PHACTR1: variants seen among roughly 807,000 people sequenced by gnomAD.
PHACTR1 encodes the protein RPEL repeat containing 1.
A neutral mutation model predicts 69.2 loss-of-function variants in PHACTR1; 16 were observed. The observed-to-expected ratio is 0.23, with a 90% CI of 0.16 to 0.35. PHACTR1 has a LOEUF of 0.35. PHACTR1 is among the 10% of genes least tolerant of loss of function. PHACTR1 has a pLI of 1.00. For synonymous variants in PHACTR1, 312 were observed against 284.5 expected, an observed-to-expected ratio of 1.10 and a Z score of -0.97; for missense variants, 510 against 734.7, an observed-to-expected ratio of 0.69 and a Z score of 3.54.
intron 4 of PHACTR1, among the ~76,000 whole-genome samples, chr6:12,859,822 G>C (rs370111636): frequency 3.3e-5 from 5 of 152,236 alleles, no homozygotes; most frequent in African/African-American, 1.2e-4. Context: ...AATACATGAG[G>C]ACAATAGATG....
chr6:12,842,724 T>G (rs1287540086), intron 4 of PHACTR1, among the ~76,000 whole-genome samples: 2 of 151,916 alleles, frequency 1.3e-5, no homozygotes, highest in African/African-American at 4.8e-5. Context: ...TTTTTTGCTG[T>G]TGTTAGAGAC....
intron 5 of PHACTR1, among the ~76,000 whole-genome samples, chr6:13,080,095 T>A (rs1454984834): frequency 6.6e-6 from 1 of 152,122 alleles, no homozygotes; most frequent in South Asian, 2.1e-4. Flanking sequence ...ACATGCCACA[T>A]AGGACATGTG....
intron 5 of PHACTR1, among the ~76,000 whole-genome samples, chr6:13,148,906 G>T (rs1166891909): frequency 6.6e-6 from 1 of 152,198 alleles, no homozygotes; most frequent in African/African-American, 2.4e-5. Context: ...TGGAATGCAG[G>T]TCTCTACTGA....
At chr6:13,059,064 G>A (rs1362658620) in intron 5 of PHACTR1, among the ~76,000 whole-genome samples, 2 of 152,182 alleles carry the variant, frequency 1.3e-5, no homozygotes, top group African/African-American at 4.8e-5. Flanking sequence ...GGTCAAACAT[G>A]AGAAGGAGAG....
intron 5 of PHACTR1, among the ~76,000 whole-genome samples, chr6:13,082,368 G>A (rs527853433): frequency 6.6e-6 from 1 of 152,214 alleles, no homozygotes; most frequent in East Asian, 1.9e-4. Context: ...TTTGTGCCTA[G>A]GTAAACCAGC....
intron 4 of PHACTR1, among the ~76,000 whole-genome samples, chr6:12,911,240 C>T (rs1413489311): frequency 6.6e-6 from 1 of 152,110 alleles, no homozygotes; most frequent in Non-Finnish European, 1.5e-5. Flanking sequence ...GATTTCCAAA[C>T]TCTTTGTAGG....
intron 4 of PHACTR1, among the ~76,000 whole-genome samples, chr6:12,943,231 A>G (rs942102421): frequency 3.0e-4 from 45 of 152,210 alleles, no homozygotes; most frequent in African/African-American, 9.9e-4. Flanking sequence ...TTATGGATGA[A>G]CCTTGAAAAT....
intron 5 of PHACTR1, among the ~76,000 whole-genome samples, chr6:13,136,189 T>TAA (rs529377100): frequency 7.7e-5 from 11 of 143,224 alleles, no homozygotes; most frequent in Non-Finnish European, 1.5e-4. Flanking sequence ...GAACGTATCC[T>TAA]AAAAAAAAAA....
At chr6:12,735,672 G>T (rs1024710153) in intron 3 of PHACTR1, among the ~76,000 whole-genome samples, 1 of 152,196 alleles carries the variant, frequency 6.6e-6, no homozygotes, top group Non-Finnish European at 1.5e-5. Context: ...CAGGCAATAA[G>T]AAAAGCTAGG....
chr6:13,276,542 C>T (rs1325396886), intron 11 of PHACTR1, among the ~76,000 whole-genome samples: 2 of 152,170 alleles, frequency 1.3e-5, no homozygotes, highest in African/African-American at 2.4e-5. Flanking sequence ...GAGGCTGAGG[C>T]GGGTGGATCA....
In PHACTR1 at chr6:13,138,093, A is replaced by G. The variant is rs544198099; in HGVS notation, c.416-22111A>G. ...TGAGCTCAACTTTATGGAAACTAAA[A>G]TGTAGGAGTCCTCATAAGCACTGGG... is the stretch of plus-strand genomic sequence containing the variant. On this transcript the variant is annotated intron_variant, in intron 5 of 14. Transcript: ENST00000332995. Among the ~76,000 whole-genome samples the G allele has an allele frequency of 3.3e-5, 5 of 152,360 alleles. No homozygotes were observed. The South Asian group carries it at 1.0e-3, about 32-fold the overall frequency.
intron 3 of PHACTR1, among the ~76,000 whole-genome samples, chr6:12,748,605 G>A (rs1450637615): frequency 2.0e-5 from 3 of 152,196 alleles, no homozygotes; most frequent in Non-Finnish European, 4.4e-5. Context: ...AGGTTCTTCT[G>A]CTGTGTTACA....
chr6:13,118,836 G>T (rs1023865144), intron 5 of PHACTR1, among the ~76,000 whole-genome samples: 1 of 152,218 alleles, frequency 6.6e-6, no homozygotes, highest in East Asian at 1.9e-4. Context: ...ACTGCAGCTA[G>T]AACTACCTGA....
At chr6:12,878,046 A>G (rs1273780191) in intron 4 of PHACTR1, among the ~76,000 whole-genome samples, 1 of 152,212 alleles carries the variant, frequency 6.6e-6, no homozygotes, top group African/African-American at 2.4e-5. Flanking sequence ...TGCAGTTGTC[A>G]GCTAAGTGTT....
intron 5 of PHACTR1, among the ~76,000 whole-genome samples, chr6:13,114,663 T>G (rs562364373): frequency 6.6e-6 from 1 of 152,260 alleles, no homozygotes; most frequent in African/African-American, 2.4e-5. Context: ...TGCCAATATC[T>G]GGAGGTACTA....
chr6:13,272,686 C>G (rs1000125443), intron 10 of PHACTR1, 174 bp from the exon 11 acceptor site: 1 of 1,538,202 alleles, frequency 6.5e-7, no homozygotes, highest in Non-Finnish European at 8.8e-7. Context: ...CTCTCCTGGG[C>G]TTGAAATTGA....
At chr6:13,038,706 A>G (rs150899413) in intron 4 of PHACTR1, among the ~76,000 whole-genome samples, 1 of 152,326 alleles carries the variant, frequency 6.6e-6, no homozygotes, top group Non-Finnish European at 1.5e-5. Flanking sequence ...CCAACTTAAA[A>G]TAGTAATAAC....
At chr6:12,984,488 G>T (rs1795886088) in intron 4 of PHACTR1, among the ~76,000 whole-genome samples, 1 of 152,198 alleles carries the variant, frequency 6.6e-6, no homozygotes, top group African/African-American at 2.4e-5. Context: ...ATAGAAAGAA[G>T]GGCTGGTTCT....
chr6:13,061,547 T>C (rs1012811006), intron 5 of PHACTR1, among the ~76,000 whole-genome samples: 32 of 152,126 alleles, frequency 2.1e-4, no homozygotes, highest in African/African-American at 7.7e-4. Flanking sequence ...TTTAAGGTGA[T>C]ACAGTTATGG....
Sources: gnomAD v4.1 joint callset for allele counts (sites outside exome capture counted in the v4.1 genomes callset) on GRCh38, gnomAD v4.1.1 for gene constraint, MANE v1.5 for transcripts, NCBI Gene and HGNC (gene_info 2026-07-23, HGNC 2026-07-21) for gene names.